RIF1: variants seen among roughly 807,000 people sequenced by gnomAD.
RIF1 encodes the protein replication timing regulatory factor 1.
RIF1 carries 45 observed loss-of-function variants against 247.1 expected under a neutral mutation model. The observed-to-expected ratio is 0.18, with a 90% CI of 0.14 to 0.23. The LOEUF (loss-of-function observed/expected upper bound fraction) is 0.23, where lower values mean the gene tolerates loss of function less well. Among genes scored for constraint, RIF1 ranks in the 10% least tolerant of loss-of-function variants. The pLI is 1.00. For missense variants in RIF1, 2,967 were observed against 2,862.5 expected (o/e 1.04, Z -0.83); for synonymous variants, 1,087 against 978.8 (o/e 1.11, Z -2.06).
intron 9 of RIF1, chr2:151,490,216 C>G: frequency 4.3e-6 from 5 of 1,172,772 alleles, no homozygotes; most frequent in Non-Finnish European, 6.0e-6. Flanking sequence ...AATGAAACAT[C>G]TAACTTCATG....
intron 5 of RIF1, 22 bp from the exon 6 acceptor site, chr2:151,416,785 A>G (rs1294675385): frequency 6.2e-7 from 1 of 1,602,770 alleles, no homozygotes; most frequent in Middle Eastern, 1.7e-4. Context: ...TTTCATTTGT[A>G]TTTATTTGGT....
chr2:151,422,425 T>G (rs1490774837), intron 7 of RIF1, among the ~76,000 whole-genome samples: 1 of 152,038 alleles, frequency 6.6e-6, no homozygotes, highest in Non-Finnish European at 1.5e-5. Flanking sequence ...ATCTGAGTGT[T>G]TGTATTAGAG....
chr2:151,420,155 G>A lies in RIF1; in HGVS notation c.504-35G>A, dbSNP rs766453810. The A allele has an allele frequency of 1.6e-5, 25 of 1,575,992 alleles. No individual in the cohort carries two copies. In the Middle Eastern group the frequency reaches 6.7e-4, roughly 42 times the overall value. ...TGCTTGTTTAGACTTAAAACATGAG[G>A]TCACGCTAATTATTCATTGATTTCT... On this transcript the variant is annotated intron_variant, in intron 6 of 35. Transcript: ENST00000444746.
intron 11 of RIF1, among the ~76,000 whole-genome samples, chr2:151,499,945 A>C (rs2063168560): frequency 6.6e-6 from 1 of 152,262 alleles, no homozygotes; most frequent in African/African-American, 2.4e-5. Flanking sequence ...CTGTGTAAAA[A>C]TTAACACAAA....
chr2:151,468,452 T>C (rs1225034453), intron 31 of RIF1, 22 bp from the exon 32 acceptor site: 1 of 1,582,838 alleles, frequency 6.3e-7, no homozygotes, highest in Non-Finnish European at 8.7e-7. Context: ...GAGTGTTTTT[T>C]TCTCTCCTTT....
intron 6 of RIF1, 34 bp downstream of exon 6, chr2:151,416,935 A>G (rs762384487): frequency 6.6e-7 from 1 of 1,514,282 alleles, no homozygotes; most frequent in South Asian, 1.2e-5. Flanking sequence ...ATTGAAGAAT[A>G]GTTTTCATAA....
At chr2:151,428,064 CA>C (rs1417432370) in intron 8 of RIF1, among the ~76,000 whole-genome samples, 1 of 151,354 alleles carries the variant, frequency 6.6e-6, no homozygotes, top group Non-Finnish European at 1.5e-5. Context: ...TCAAACAAAA[CA>C]AAACAAAACA....
chr2:151,463,389 G>A lies in RIF1; in HGVS notation c.3869G>A (p.Arg1290Lys). 1 of 1,614,030 alleles carries A rather than the reference G, an allele frequency of 6.2e-7. No individual in the cohort carries two copies. Among genetic ancestry groups the A allele is most frequent in the Non-Finnish European group, 8.5e-7 (1 of 1,179,990 alleles). ...AATGGAACTAAGAGATCAAGCCGGAGAGCTGGTAAAGCTGAACAAACAGGG... is the reference window on the plus strand; with the variant it reads ...AATGGAACTAAGAGATCAAGCCGGAAAGCTGGTAAAGCTGAACAAACAGGG... ...IVNGTKRSSR[R>K]AGKAEQTGNK... is the part of the protein sequence containing the mutation. The change falls in exon 30 of 36, where the codon AGA becomes AAA. Residue 1290 changes from arginine to lysine, a missense_variant. This residue lies in a region of RIF1 where 2,028 missense variants were observed against 1,825.6 expected (regional missense o/e 1.11). Transcript: ENST00000444746.
Position 151,475,242 on chromosome 2 carries a change from A to T in RIF1, c.*171A>T. On this transcript the variant is annotated 3_prime_UTR_variant, in exon 36 of 36. Coordinates refer to ENST00000444746, the MANE Select transcript of RIF1 (RefSeq NM_018151.5). ...TATGTAAGTTCAATTTTGTAAGTTC[A>T]TTATGTAAGATCCTTTTTTTTTTCA... The T allele has an allele frequency of 1.7e-6, 1 of 587,254 alleles. No homozygotes were observed. The highest frequency in any genetic ancestry group is 3.0e-6 in the Non-Finnish European group (1 of 336,296). The allele number at this position is 587,254 out of a possible 1,614,324, so 36.4% of individuals were successfully genotyped here. A position where few individuals can be genotyped will look rare whatever the true frequency, so the allele number is the denominator to read the frequency against.
intron 16 of RIF1, among the ~76,000 whole-genome samples, chr2:151,442,431 G>A (rs1159060048): frequency 2.0e-5 from 3 of 149,284 alleles, no homozygotes; most frequent in African/African-American, 7.4e-5. Context: ...GTAAAATTCT[G>A]AGAGTATTGG....
rs1441454126 is a variant in RIF1, at chr2:151,464,877, A to G, written c.5357A>G (p.Gln1786Arg). 2 of 1,595,764 alleles carry G rather than the reference A, an allele frequency of 1.3e-6. No individual in the cohort carries two copies. The highest frequency in any genetic ancestry group is 1.7e-6 in the Non-Finnish European group (2 of 1,174,928). ...TSQANPYSEG[Q>R]FLDEHHSVNF... ...CAAGCTAATCCATATTCTGAAGGACAATTTTTAGATGAACATCATAGTGTG... is the reference window on the plus strand; with the variant it reads ...CAAGCTAATCCATATTCTGAAGGACGATTTTTAGATGAACATCATAGTGTG... The change falls in exon 30 of 36, where the codon CAA becomes CGA. Residue 1786 changes from glutamine (Q) to arginine (R), a missense_variant. Around this residue, in one of 7 missense-constraint regions of RIF1, gnomAD observed 2,028 missense variants for 1,825.6 expected, o/e 1.11. Transcript: ENST00000444746.
downstream of RIF1, among the ~76,000 whole-genome samples, chr2:151,509,623 T>A (rs1234076010): frequency 1.3e-5 from 2 of 152,080 alleles, no homozygotes; most frequent in African/African-American, 4.8e-5. Flanking sequence ...GTTTTTTTTT[T>A]GTTTGTTTGG....
At position 151,492,418 on chromosome 2, in the gene RIF1, C is replaced by T. The variant is rs770024830; in HGVS notation, c.*416-2811C>T. Reference sequence around the variant, plus strand: ...GATGTGCCGTTGGGTCTCCCTCACCCGTCTCATCTCGGGGGTATCCAATAC... The same window carrying T: ...GATGTGCCGTTGGGTCTCCCTCACCTGTCTCATCTCGGGGGTATCCAATAC... On this transcript the variant is annotated intron_variant and NMD_transcript_variant, in intron 9 of 13. Transcript: ENST00000454583. 32 of 1,608,898 alleles carry T rather than the reference C, an allele frequency of 2.0e-5. No homozygotes were observed. The highest frequency in any genetic ancestry group is 3.3e-5 in the South Asian group (3 of 90,444).
At chr2:151,527,552 C>T in the RIF1 span, 1 of 1,613,152 alleles carries the variant, frequency 6.2e-7, no homozygotes, top group Non-Finnish European at 8.5e-7. Context: ...TTCCAGTGGG[C>T]TTTGTTGGCT....
chr2:151,532,192 A>G, the RIF1 span: 156,804 of 231,394 alleles, frequency 0.68, 53,739 homozygotes, highest in East Asian at 0.8. Flanking sequence ...CACCTCCCAG[A>G]TTCAAGCAAT....
downstream of RIF1, among the ~76,000 whole-genome samples, chr2:151,512,259 C>A (rs926057505): frequency 6.6e-6 from 1 of 151,972 alleles, no homozygotes; most frequent in Non-Finnish European, 1.5e-5. Context: ...TGGTCTGGAT[C>A]TCCTGACCTT....
At chr2:151,509,887 C>T (rs1037224995), downstream of RIF1, among the ~76,000 whole-genome samples, 1 of 152,174 alleles carries the variant, frequency 6.6e-6, no homozygotes, top group African/African-American at 2.4e-5. Context: ...GGATTACAGG[C>T]GCGAGCCACT....
intron 10 of RIF1, chr2:151,498,263 G>A (rs2061711785): frequency 6.4e-7 from 1 of 1,551,306 alleles, no homozygotes; most frequent in South Asian, 1.2e-5. Flanking sequence ...AAAATACCGA[G>A]CTAAGGTTTT....
At chr2:151,497,318 T>TAAACA in intron 10 of RIF1, 2 of 979,576 alleles carry the variant, frequency 2.0e-6, no homozygotes, top group Non-Finnish European at 2.4e-6. Context: ...CCATGCCTCC[T>TAAACA]AAACAATTAT....
Sources: allele counts gnomAD v4.1 joint callset (sites outside exome capture counted in the v4.1 genomes callset), GRCh38; gene constraint gnomAD v4.1.1; regional missense constraint gnomAD v4.1.1; transcripts MANE v1.5; gene names NCBI Gene and HGNC (gene_info 2026-07-23, HGNC 2026-07-21).